CHD5: variants seen among roughly 807,000 people sequenced by gnomAD.
The protein encoded by CHD5 is chromodomain helicase DNA binding protein 5.
CHD5 carries 69 observed loss-of-function variants against 230.3 expected under a neutral mutation model. The ratio of observed to expected loss-of-function variants is 0.30; its 90% CI spans 0.25 to 0.37. The LOEUF is 0.37. Ranked by LOEUF, CHD5 falls within the 10% of genes least tolerant of loss-of-function variation. The probability of loss-of-function intolerance (pLI) is 1.00; values close to 1 mark genes in which losing one functional copy is unlikely to be tolerated. For missense variants in CHD5, 1,827 were observed against 2,622.8 expected (o/e 0.70, Z 6.63); for synonymous variants, 1,064 against 1,065.9 (o/e 1.00, Z 0.03).
intron 33 of CHD5, among the ~76,000 whole-genome samples, chr1:6,116,794 G>A (rs1176213136): frequency 6.6e-6 from 1 of 152,202 alleles, no homozygotes; most frequent in African/African-American, 2.4e-5. Flanking sequence ...CACCATTAAA[G>A]GTGTACTTTA....
At position 6,130,079 on chromosome 1, in the gene CHD5, G is replaced by C. The variant is rs544703407; in HGVS notation, c.3387+125C>G. On this transcript the variant is annotated intron_variant, in intron 22 of 41. Transcript: ENST00000262450. The surrounding 1 kb of genome is among the most constrained non-coding windows in gnomAD (Gnocchi z 4.9). ...CTCTTGGGGCCGAGACTCCACGGGG[G>C]AGGGAGGCCCACAGCACCAGGATAG... 39 of 1,123,184 alleles carry C rather than the reference G, an allele frequency of 3.5e-5. No individual in the cohort carries two copies. In the South Asian group the frequency reaches 5.2e-4, roughly 15 times the overall value. 69.6% of individuals were successfully genotyped at this position (1,123,184 alleles called of 1,614,324 possible). A position where few individuals can be genotyped will look rare whatever the true frequency, so the allele number is the denominator to read the frequency against.
At position 6,126,677 on chromosome 1, in the gene CHD5, G is replaced by A. The variant is rs978646000; in HGVS notation, c.3973C>T (p.Arg1325Trp). 3.7e-6 allele frequency: 6 copies of A among 1,613,860 alleles called. No individual in the cohort carries two copies. Among genetic ancestry groups the A allele is most frequent in the South Asian group, 1.1e-5 (1 of 91,082 alleles). Residue 1325 changes from arginine (R) to tryptophan (W), a missense_variant, in exon 26 of 42, where the codon CGG becomes TGG. By Grantham distance (101) the Arg-to-Trp change is moderately radical. Around this residue, in one of 14 missense-constraint regions of CHD5, gnomAD observed 137 missense variants for 272.7 expected, o/e 0.50. Coordinates refer to ENST00000262450, the MANE Select transcript of CHD5 (RefSeq NM_015557.3). The surrounding 1 kb of genome is among the most constrained non-coding windows in gnomAD (Gnocchi z 5.7). ...VDPDYWEKLL[R>W]HHYEQQQEDL... Reference sequence around the variant, plus strand: ...TCCTGCTGCTGCTCATAGTGGTGCCGCAGCAGCTTCTCCCAGTAGTCGGGG... The same window carrying A: ...TCCTGCTGCTGCTCATAGTGGTGCCACAGCAGCTTCTCCCAGTAGTCGGGG...
chr1:6,122,983 C>T (rs1173731950), intron 31 of CHD5, among the ~76,000 whole-genome samples: 1 of 151,636 alleles, frequency 6.6e-6, no homozygotes, highest in Non-Finnish European at 1.5e-5. Flanking sequence ...GGCAGGATCG[C>T]TTGAACCTGG....
intron 31 of CHD5, among the ~76,000 whole-genome samples, chr1:6,122,540 A>G (rs898356451): frequency 6.6e-6 from 1 of 152,202 alleles, no homozygotes; most frequent in Non-Finnish European, 1.5e-5. Context: ...ACTAGCAGGA[A>G]TGTAAAATGG....
chr1:6,153,354 C>T (rs1315105925), intron 5 of CHD5, among the ~76,000 whole-genome samples: 1 of 152,220 alleles, frequency 6.6e-6, no homozygotes, highest in Non-Finnish European at 1.5e-5. Context: ...GAGCCCCTCC[C>T]GAGATCCTGA....
intron 11 of CHD5, among the ~76,000 whole-genome samples, chr1:6,144,671 C>A (rs957305846): frequency 6.6e-6 from 1 of 152,194 alleles, no homozygotes; most frequent in Non-Finnish European, 1.5e-5. Context: ...GTGACCAAGC[C>A]CAGCAGCACA....
At chr1:6,160,469 GAGA>G (rs1305247140) in intron 2 of CHD5, among the ~76,000 whole-genome samples, 2 of 87,612 alleles carry the variant, frequency 2.3e-5, no homozygotes, top group Admixed American at 1.0e-4. Context: ...GCCAGAGAAG[GAGA>G]GCCCCAGCCA....
chr1:6,156,700 G>A (rs1353496938), intron 3 of CHD5, among the ~76,000 whole-genome samples: 1 of 152,168 alleles, frequency 6.6e-6, no homozygotes. Context: ...ACAGCCCAGA[G>A]AGGATCCAAC....
Position 6,126,999 on chromosome 1 carries a change from G to C in CHD5, c.3904-253C>G. 1 of 541,172 alleles carries C rather than the reference G, an allele frequency of 1.8e-6. No individual in the cohort carries two copies. Among genetic ancestry groups the C allele is most frequent in the South Asian group, 2.1e-5 (1 of 47,672 alleles). 33.5% of individuals were successfully genotyped at this position (541,172 alleles called of 1,614,324 possible). Reference sequence around the variant, plus strand: ...CAAGTATTTCCTCGCCTCCTGTCAAGCACTGAGGTACTGAGTTGAATAAGC... The same window carrying C: ...CAAGTATTTCCTCGCCTCCTGTCAACCACTGAGGTACTGAGTTGAATAAGC... On this transcript the variant is annotated intron_variant, in intron 25 of 41. Coordinates refer to ENST00000262450, the MANE Select transcript of CHD5 (RefSeq NM_015557.3). The surrounding 1 kb of genome is among the most constrained non-coding windows in gnomAD (Gnocchi z 5.7).
intron 33 of CHD5, among the ~76,000 whole-genome samples, chr1:6,113,938 G>C (rs1054543326): frequency 2.0e-5 from 3 of 152,116 alleles, no homozygotes; most frequent in Non-Finnish European, 4.4e-5. Context: ...CAGAGGACAC[G>C]GAGCTCCTGC....
intron 1 of CHD5, among the ~76,000 whole-genome samples, chr1:6,177,216 G>A (rs1257426081): frequency 6.6e-6 from 1 of 152,190 alleles, no homozygotes; most frequent in Non-Finnish European, 1.5e-5. Context: ...GAACCAGCTG[G>A]TTCTGGTCTT....
chr1:6,112,024 T>C (rs879249623), intron 35 of CHD5, 116 bp downstream of exon 35: 1 of 1,415,928 alleles, frequency 7.1e-7, no homozygotes, highest in Non-Finnish European at 9.8e-7. Context: ...AGAAAGGTTA[T>C]ACGATGGACT....
chr1:6,107,291 C>T (rs1279054312), intron 38 of CHD5, among the ~76,000 whole-genome samples: 6 of 62,884 alleles, frequency 9.5e-5, no homozygotes, highest in East Asian at 1.1e-3. Flanking sequence ...GGTGGGATGG[C>T]GGAGTGGAGA....
intron 1 of CHD5, among the ~76,000 whole-genome samples, chr1:6,179,609 C>G (rs1667481850): frequency 6.6e-6 from 1 of 150,718 alleles, no homozygotes; most frequent in Admixed American, 6.6e-5. Context: ...ATTCCCGCCC[C>G]CTTCAAGGGC....
chr1:6,178,693 T>C (rs1241726687), intron 1 of CHD5, among the ~76,000 whole-genome samples: 2 of 151,804 alleles, frequency 1.3e-5, no homozygotes, highest in Non-Finnish European at 2.9e-5. Context: ...ACAGGCGAGG[T>C]GAGTGCCGGG....
At position 6,113,099 on chromosome 1, in the gene CHD5, T is replaced by C; in HGVS notation, c.4913-101A>G. On this transcript the variant is annotated intron_variant, in intron 33 of 41. Transcript: ENST00000262450. ...ACCCATGGAACCCTATCCATCAATA[T>C]GTTCCGCAGAGTCCAACAGGTGCCA... 4.9e-6 allele frequency: 4 copies of C among 815,620 alleles called. No individual in the cohort carries two copies. In the East Asian group the frequency reaches 7.3e-5, roughly 15 times the overall value. The allele number at this position is 815,620 out of a possible 1,614,324, so 50.5% of individuals were successfully genotyped here. A position where few individuals can be genotyped will look rare whatever the true frequency, so the allele number is the denominator to read the frequency against.
chr1:6,111,870 C>T lies in CHD5; in HGVS notation c.5154G>A (p.Leu1718=). The stretch of plus-strand genomic sequence containing the variant: ...CAGCAGCCCGCTCCTCGTTCTGCCA[C>T]AGCGTGTGCAACTCTGGGAAACAAG... The part of the protein sequence containing the change: ...ADGGFTELHT[L]WQNEERAAVS... The change falls in exon 36 of 42, where the codon CTG becomes CTA. Residue 1718 remains leucine (L), a synonymous_variant. Coordinates refer to ENST00000262450, the MANE Select transcript of CHD5 (RefSeq NM_015557.3). 3 of 1,613,238 alleles carry T rather than the reference C, an allele frequency of 1.9e-6. No homozygotes were observed. The highest frequency in any genetic ancestry group is 2.5e-6 in the Non-Finnish European group (3 of 1,179,956).
chr1:6,127,312 T>C (rs1666574576), intron 25 of CHD5: 1 of 156,318 alleles, frequency 6.4e-6, no homozygotes, highest in African/African-American at 2.4e-5. Context: ...CATGGCAAAG[T>C]CCCATCTCTA....
At position 6,128,545 on chromosome 1, in the gene CHD5, C is replaced by T; in HGVS notation, c.3684G>A (p.Gly1228=). The change falls in exon 24 of 42, where the codon GGG becomes GGA. Residue 1228 remains glycine, a synonymous_variant. Transcript: ENST00000262450. The surrounding 1 kb of genome is among the most constrained non-coding windows in gnomAD (Gnocchi z 7.8). ...TCTTCTTTGCACTGGCGGCCAAGTT[C>T]CCCCCTTTGGAGGACTGGACATCAG... ...PIPDVQSSKG[G]NLAASAKKKH... is the part of the protein sequence containing the mutation. 2 of 1,614,036 alleles carry T rather than the reference C, an allele frequency of 1.2e-6. No individual in the cohort carries two copies. Among genetic ancestry groups the T allele is most frequent in the Non-Finnish European group, 8.5e-7 (1 of 1,179,930 alleles).
Sources: gnomAD v4.1 joint callset for allele counts (sites outside exome capture counted in the v4.1 genomes callset) on GRCh38, gnomAD v4.1.1 for gene constraint, gnomAD v4.1.1 regional missense constraint, Gnocchi (gnomAD v3.1) non-coding constraint, MANE v1.5 for transcripts, NCBI Gene and HGNC (gene_info 2026-07-23, HGNC 2026-07-21) for gene names.